PCDH11X: variants seen among roughly 807,000 people sequenced by gnomAD.
The protein encoded by PCDH11X is protocadherin-11 X-linked.
In PCDH11X, 18 loss-of-function variants were observed where a neutral mutation model predicts 53.3. The ratio of observed to expected loss-of-function variants is 0.34; its 90% CI spans 0.23 to 0.50. The LOEUF (loss-of-function observed/expected upper bound fraction) is 0.50. Among genes scored for constraint, PCDH11X ranks in the 20% least tolerant of loss-of-function variants. PCDH11X has a pLI of 0.98. For missense variants in PCDH11X, 570 were observed against 1,032.4 expected, an observed-to-expected ratio of 0.55 and a Z score of 6.14; for synonymous variants, 279 against 393.3, an observed-to-expected ratio of 0.71 and a Z score of 3.44.
At chrX:92,014,937 A>G (rs1360242926) in intron 6 of PCDH11X, among the ~76,000 whole-genome samples, 1 of 110,979 alleles carries the variant, frequency 9.0e-6, no homozygotes, top group Non-Finnish European at 1.9e-5. Flanking sequence ...CTAATGTTAA[A>G]TGACGAGTTA....
intron 9 of PCDH11X, among the ~76,000 whole-genome samples, chrX:92,396,809 C>T (rs1215084742): frequency 1.2e-5 from 1 of 80,811 alleles, no homozygotes; most frequent in African/African-American, 5.1e-5. Context: ...CACCATTGCA[C>T]TCCAGCCTGG....
intron 6 of PCDH11X, among the ~76,000 whole-genome samples, chrX:92,127,446 A>G (rs1263675426): frequency 9.0e-6 from 1 of 110,920 alleles, no homozygotes; most frequent in Non-Finnish European, 1.9e-5. Flanking sequence ...ATCCTTTTTG[A>G]AATTCGTCAG....
chrX:92,581,538 G>A (rs1345698236), intron 10 of PCDH11X, among the ~76,000 whole-genome samples: 4 of 111,699 alleles, frequency 3.6e-5, no homozygotes, highest in East Asian at 5.6e-4. Flanking sequence ...TGATTGTGAG[G>A]CCTCCCCAGC....
intron 9 of PCDH11X, among the ~76,000 whole-genome samples, chrX:92,442,808 T>C (rs1320698950): frequency 9.0e-6 from 1 of 111,181 alleles, no homozygotes; most frequent in Non-Finnish European, 1.9e-5. Context: ...CTTTATCCAG[T>C]TCATCATTGA....
At chrX:91,823,417 A>T (rs1372823387) in intron 4 of PCDH11X, among the ~76,000 whole-genome samples, 1 of 110,607 alleles carries the variant, frequency 9.0e-6, no homozygotes, top group Non-Finnish European at 1.9e-5. Flanking sequence ...TGATCCCTTT[A>T]CCATTATGGA....
intron 5 of PCDH11X, among the ~76,000 whole-genome samples, chrX:91,858,115 C>T (rs1026924160): frequency 4.7e-4 from 52 of 109,615 alleles, no homozygotes; most frequent in African/African-American, 1.7e-3. Context: ...CTTCTGTTCA[C>T]CCTCATGCCC....
At chrX:92,000,266 C>A (rs1472578258) in intron 6 of PCDH11X, among the ~76,000 whole-genome samples, 2 of 111,718 alleles carry the variant, frequency 1.8e-5, no homozygotes, top group African/African-American at 3.3e-5. Context: ...TATATTAATT[C>A]CTTTGTCCCA....
chrX:92,496,114 T>C (rs1603347597), intron 10 of PCDH11X, among the ~76,000 whole-genome samples: 1 of 89,251 alleles, frequency 1.1e-5, no homozygotes, highest in Non-Finnish European at 2.1e-5. Flanking sequence ...TTTGGCAATA[T>C]AATTCTGTAG....
intron 10 of PCDH11X, among the ~76,000 whole-genome samples, chrX:92,579,211 T>C (rs775826336): frequency 9.4e-6 from 1 of 106,255 alleles, no homozygotes; most frequent in Non-Finnish European, 1.9e-5. Context: ...GGGGAACTGA[T>C]GATTATGTGT....
At chrX:92,131,793 G>T (rs2064976278) in intron 6 of PCDH11X, among the ~76,000 whole-genome samples, 1 of 109,797 alleles carries the variant, frequency 9.1e-6, no homozygotes, top group Admixed American at 9.8e-5. Flanking sequence ...ACGGAGGTTT[G>T]GGGAGTTCCT....
At chrX:92,201,548 T>C (rs1381473449) in intron 7 of PCDH11X, 93 bp downstream of exon 7, 2 of 486,315 alleles carry the variant, frequency 4.1e-6, no homozygotes, top group East Asian at 8.6e-5. Flanking sequence ...GTGCATAATG[T>C]GTATTCCCTT....
intron 8 of PCDH11X, among the ~76,000 whole-genome samples, chrX:92,271,041 G>T (rs6618937): frequency 9.0e-6 from 1 of 111,631 alleles, no homozygotes; most frequent in Non-Finnish European, 1.9e-5. Flanking sequence ...TGTGGGGAAA[G>T]GTGCAGTTAA....
chrX:91,958,168 C>T (rs1452092557), intron 6 of PCDH11X, among the ~76,000 whole-genome samples: 1 of 111,892 alleles, frequency 8.9e-6, no homozygotes, highest in African/African-American at 3.3e-5. Context: ...TGGTGGCCAC[C>T]CCTCCACCCA....
chrX:92,270,651 G>A (rs78963676), intron 8 of PCDH11X, among the ~76,000 whole-genome samples: 1 of 111,245 alleles, frequency 9.0e-6, no homozygotes, highest in African/African-American at 3.3e-5. Flanking sequence ...GAAAGAGGGA[G>A]GATACGGTCT....
intron 6 of PCDH11X, among the ~76,000 whole-genome samples, chrX:92,017,535 T>TAA (rs200044178): frequency 0.012 from 1,144 of 94,486 alleles, 14 homozygotes; most frequent in South Asian, 0.047. Flanking sequence ...CTTGTCTCTA[T>TAA]AAAAAAAAAA....
chrX:91,888,141 A>G (rs1379526250), intron 6 of PCDH11X, among the ~76,000 whole-genome samples: 1 of 112,020 alleles, frequency 8.9e-6, no homozygotes, highest in Non-Finnish European at 1.9e-5. Context: ...TATCCAATTA[A>G]TAATAAAACT....
chrX:92,293,145 C>T (rs1341798328), intron 8 of PCDH11X, among the ~76,000 whole-genome samples: 6 of 109,278 alleles, frequency 5.5e-5, no homozygotes, highest in Non-Finnish European at 9.5e-5. Flanking sequence ...AGAGGCACAT[C>T]TCAGTGACAC....
intron 10 of PCDH11X, among the ~76,000 whole-genome samples, chrX:92,494,102 A>G (rs1482382869): frequency 9.2e-6 from 1 of 108,715 alleles, no homozygotes; most frequent in East Asian, 2.9e-4. Flanking sequence ...CCATTTCGCT[A>G]TTTTGCATAT....
At chrX:92,379,107 C>A (rs890765237) in intron 8 of PCDH11X, among the ~76,000 whole-genome samples, 1 of 112,529 alleles carries the variant, frequency 8.9e-6, no homozygotes, top group Non-Finnish European at 1.9e-5. Context: ...CAGGTGGGAG[C>A]CCCACCTCCT....
Sources: allele counts gnomAD v4.1 joint callset (sites outside exome capture counted in the v4.1 genomes callset), GRCh38; gene constraint gnomAD v4.1.1; transcripts MANE v1.5; gene names NCBI Gene and HGNC (gene_info 2026-07-23, HGNC 2026-07-21).